The following PTPRD variants were observed in gnomAD, a reference collection of about 807,000 sequenced individuals.
PTPRD encodes receptor-type tyrosine-protein phosphatase delta.
In PTPRD, 34 loss-of-function variants were observed where a neutral mutation model predicts 214.5. The ratio of observed to expected loss-of-function variants is 0.16; its 90% CI spans 0.12 to 0.21. The LOEUF (loss-of-function observed/expected upper bound fraction) is 0.21. Ranked by LOEUF, PTPRD falls within the 10% of genes least tolerant of loss-of-function variation. The pLI is 1.00. For synonymous variants in PTPRD, 1,128 were observed against 845.7 expected (o/e 1.33, Z -5.79); for missense variants, 2,545 against 2,398.7 (o/e 1.06, Z -1.27).
intron 10 of PTPRD, among the ~76,000 whole-genome samples, chr9:9,121,174 T>G (rs1239075055): frequency 6.6e-6 from 1 of 152,196 alleles, no homozygotes; most frequent in Non-Finnish European, 1.5e-5. Flanking sequence ...AGTCACCAAC[T>G]ATTTATGGAA....
chr9:10,030,644 T>A (rs1219201218), intron 4 of PTPRD, among the ~76,000 whole-genome samples: 1 of 152,160 alleles, frequency 6.6e-6, no homozygotes, highest in African/African-American at 2.4e-5. Flanking sequence ...ATGAGGGGCC[T>A]GGTGATGGGT....
intron 11 of PTPRD, chr9:8,861,419 T>G (rs974579868): frequency 5.3e-5 from 8 of 152,102 alleles, no homozygotes; most frequent in African/African-American, 1.7e-4. Context: ...ACATACTAAG[T>G]TGTTTTATTT....
intron 4 of PTPRD, among the ~76,000 whole-genome samples, chr9:9,970,209 G>C (rs1034648094): frequency 6.6e-6 from 1 of 152,022 alleles, no homozygotes; most frequent in Non-Finnish European, 1.5e-5. Flanking sequence ...ACTTTACTTT[G>C]GGAGGCCGAG....
At chr9:8,722,123 C>CTGTGTGTGTGTGTGTGTGTGTGTGTGTG (rs34720946) in intron 12 of PTPRD, among the ~76,000 whole-genome samples, 1 of 147,368 alleles carries the variant, frequency 6.8e-6, no homozygotes, top group African/African-American at 2.5e-5. Flanking sequence ...AAGTATTACT[C>CTGTGTGTGTGTGTGTGTGTGTGTGTGTG]TGTGTGTGTG....
chr9:9,769,415 T>C lies in PTPRD; in HGVS notation c.-367-2564A>G, dbSNP rs371207869. On this transcript the variant is annotated intron_variant, in intron 5 of 45. Coordinates refer to ENST00000381196, the MANE Select transcript of PTPRD (RefSeq NM_002839.4). The stretch of plus-strand genomic sequence containing the variant: ...ATCTCCGCTCACTGCAAGCTCCGCC[T>C]CCCGGGTTCACACCATTCTCCTGCC... 2.1e-4 allele frequency among the ~76,000 whole-genome samples: 27 copies of C among 131,150 alleles called. 1 individual carries two copies. In the East Asian group the frequency reaches 2.7e-3, roughly 13 times the overall value. 86.0% of individuals were successfully genotyped at this position (131,150 alleles called of 152,430 possible). A position where few individuals can be genotyped will look rare whatever the true frequency, so the allele number is the denominator to read the frequency against.
intron 11 of PTPRD, chr9:8,858,086 C>T (rs904020635): frequency 6.1e-6 from 1 of 162,810 alleles, no homozygotes; most frequent in South Asian, 1.5e-4. Context: ...CGCTGTTTGT[C>T]TCCTCCCCCT....
intron 39 of PTPRD, among the ~76,000 whole-genome samples, chr9:8,347,882 G>C (rs980529157): frequency 1.3e-5 from 2 of 152,122 alleles, no homozygotes; most frequent in Admixed American, 1.3e-4. Flanking sequence ...CCTTCATCTT[G>C]GACTTCCAGC....
chr9:9,472,039 T>A (rs183175138), intron 8 of PTPRD, among the ~76,000 whole-genome samples: 141 of 152,278 alleles, frequency 9.3e-4, no homozygotes, highest in African/African-American at 3.3e-3. Context: ...ATATTTTAAG[T>A]GTCTAAGTGG....
At chr9:10,266,573 G>A (rs957801021) in intron 3 of PTPRD, among the ~76,000 whole-genome samples, 2 of 152,258 alleles carry the variant, frequency 1.3e-5, no homozygotes, top group East Asian at 3.9e-4. Flanking sequence ...TATTTTTACT[G>A]TAAAATTGCA....
intron 3 of PTPRD, among the ~76,000 whole-genome samples, chr9:10,254,774 A>G (rs2093104575): frequency 6.6e-6 from 1 of 152,144 alleles, no homozygotes; most frequent in South Asian, 2.1e-4. Context: ...CAAAGACTCA[A>G]ATGTGGACAG....
intron 4 of PTPRD, among the ~76,000 whole-genome samples, chr9:10,023,446 CTT>C: frequency 6.6e-6 from 1 of 152,128 alleles, no homozygotes; most frequent in East Asian, 1.9e-4. Context: ...CACATGATTT[CTT>C]CCACGTACTT....
At chr9:10,535,600 C>G (rs112310191) in intron 2 of PTPRD, among the ~76,000 whole-genome samples, 2 of 151,996 alleles carry the variant, frequency 1.3e-5, no homozygotes, top group African/African-American at 4.8e-5. Flanking sequence ...TTTTTATAGC[C>G]TTTTTTAAAA....
At chr9:8,716,797 G>T (rs7854391) in intron 12 of PTPRD, among the ~76,000 whole-genome samples, 27,283 of 152,102 alleles carry the variant, frequency 0.18, 6,389 homozygotes, top group African/African-American at 0.54. Context: ...AATAATGAAT[G>T]TTACTCTCCT....
chr9:10,512,000 A>G lies in PTPRD; in HGVS notation c.-600+100398T>C, dbSNP rs1308187886. Among the ~76,000 whole-genome samples the G allele has an allele frequency of 1.1e-4, 10 of 94,212 alleles. 2 individuals carry two copies. The highest frequency in any genetic ancestry group is 1.9e-4 in the Non-Finnish European group (9 of 48,442). The allele number at this position is 94,212 out of a possible 152,430, so 61.8% of individuals were successfully genotyped here. A position where few individuals can be genotyped will look rare whatever the true frequency, so the allele number is the denominator to read the frequency against. The stretch of plus-strand genomic sequence containing the variant: ...TGTATATATATATACGTGTGTGTAT[A>G]TATATATATACGTGTGTGTATATAT... On this transcript the variant is annotated intron_variant, in intron 2 of 45. Transcript: ENST00000381196.
chr9:8,596,173 A>G (rs929473148), intron 14 of PTPRD, among the ~76,000 whole-genome samples: 31 of 152,288 alleles, frequency 2.0e-4, no homozygotes, highest in African/African-American at 6.0e-4. Context: ...ATAAAATACA[A>G]GAAAAAATAA....
chr9:9,509,004 C>A (rs149735309), intron 8 of PTPRD, among the ~76,000 whole-genome samples: 491 of 151,362 alleles, frequency 3.2e-3, no homozygotes, highest in Non-Finnish European at 4.0e-3. Context: ...ACTGTTATTG[C>A]ATTTACTAAA....
intron 36 of PTPRD, among the ~76,000 whole-genome samples, chr9:8,390,366 C>T (rs1242299320): frequency 6.6e-6 from 1 of 152,076 alleles, no homozygotes; most frequent in African/African-American, 2.4e-5. Context: ...TATTAGAAAA[C>T]ATTTATTTCC....
intron 9 of PTPRD, among the ~76,000 whole-genome samples, chr9:9,324,803 T>A (rs1194378108): frequency 6.6e-6 from 1 of 152,202 alleles, no homozygotes; most frequent in Non-Finnish European, 1.5e-5. Context: ...TAGGTTTTCC[T>A]CTAGGGTTTT....
intron 10 of PTPRD, among the ~76,000 whole-genome samples, chr9:9,119,440 C>A (rs1443604891): frequency 6.6e-6 from 1 of 152,046 alleles, no homozygotes. Context: ...TAAAGAGATT[C>A]ATATTGAAAT....
Sources: allele counts gnomAD v4.1 joint callset (sites outside exome capture counted in the v4.1 genomes callset), GRCh38; gene constraint gnomAD v4.1.1; transcripts MANE v1.5; gene names NCBI Gene and HGNC (gene_info 2026-07-23, HGNC 2026-07-21).